MTRF1: variants seen among roughly 807,000 people sequenced by gnomAD.
MTRF1 encodes peptide chain release factor 1, mitochondrial.
In MTRF1, 51 loss-of-function variants were observed where a neutral mutation model predicts 62.9. The observed-to-expected ratio is 0.81, with a 90% CI of 0.65 to 1.02. The LOEUF (loss-of-function observed/expected upper bound fraction) is 1.02, where lower values mean the gene tolerates loss of function less well. Among genes scored for constraint, MTRF1 ranks in the 50% least tolerant of loss-of-function variants. The pLI is 0.00. For missense variants in MTRF1, 446 were observed against 530.0 expected, an observed-to-expected ratio of 0.84 and a Z score of 1.56; for synonymous variants, 158 against 181.9, an observed-to-expected ratio of 0.87 and a Z score of 1.06.
At chr13:41,252,468 C>T (rs2039193120) in intron 5 of MTRF1, 177 bp downstream of exon 5, 1 of 443,960 alleles carries the variant, frequency 2.3e-6, no homozygotes, top group African/African-American at 2.0e-5. Flanking sequence ...ACTGTCTTCT[C>T]CTAGCTAACA....
At chr13:41,274,673 TATA>T in the MTRF1 span, among the ~76,000 whole-genome samples, 822 of 149,162 alleles carry the variant, frequency 5.5e-3, 5 homozygotes, top group African/African-American at 0.017. Context: ...ATAATAAATA[TATA>T]ATAATAATAA....
intron 8 of MTRF1, among the ~76,000 whole-genome samples, chr13:41,223,825 C>A (rs2033876215): frequency 6.6e-6 from 1 of 152,144 alleles, no homozygotes; most frequent in Admixed American, 6.5e-5. Context: ...TTTCATGGGT[C>A]TCTTATTATA....
At chr13:41,247,641 C>T (rs1268009294) in intron 5 of MTRF1, among the ~76,000 whole-genome samples, 2 of 152,166 alleles carry the variant, frequency 1.3e-5, no homozygotes, top group East Asian at 1.9e-4. Context: ...CACAATCCCT[C>T]CAGAACTGCA....
chr13:41,257,594 G>T, intron 2 of MTRF1: 1 of 181,912 alleles, frequency 5.5e-6, no homozygotes, highest in Non-Finnish European at 1.2e-5. Context: ...TAAAATGAGG[G>T]AAAACACAGG....
At chr13:41,272,669 T>C in the MTRF1 span, among the ~76,000 whole-genome samples, 1 of 152,152 alleles carries the variant, frequency 6.6e-6, no homozygotes, top group Non-Finnish European at 1.5e-5. Flanking sequence ...GCAACTTACC[T>C]AGCGATGGGT....
At chr13:41,309,505 C>T in the MTRF1 span, among the ~76,000 whole-genome samples, 13 of 152,116 alleles carry the variant, frequency 8.5e-5, no homozygotes, top group East Asian at 1.5e-3. Flanking sequence ...TGTGTCTTTA[C>T]GGTAGAACAA....
At position 41,260,808 on chromosome 13, in the gene MTRF1, G is replaced by A. The variant is rs1280970678; in HGVS notation, c.100C>T (p.His34Tyr). ...AAAACTTGCAGCCTTGTATCAAGATGTATCTGTCTAAATTGATGAGAATGG... is the reference window on the plus strand; with the variant it reads ...AAAACTTGCAGCCTTGTATCAAGATATATCTGTCTAAATTGATGAGAATGG... ...QLHSHQFRQI[H>Y]LDTRLQVFRQ... The change falls in exon 2 of 10, where the codon CAT becomes TAT. Residue 34 changes from histidine (H) to tyrosine (Y), a missense_variant. Coordinates refer to ENST00000379480, the MANE Select transcript of MTRF1 (RefSeq NM_004294.4). 2.5e-6 allele frequency: 4 copies of A among 1,614,118 alleles called. No homozygotes were observed. The highest frequency in any genetic ancestry group is 1.3e-5 in the African/African-American group (1 of 75,054).
At chr13:41,248,383 A>G (rs996351797) in intron 5 of MTRF1, among the ~76,000 whole-genome samples, 1 of 152,114 alleles carries the variant, frequency 6.6e-6, no homozygotes, top group African/African-American at 2.4e-5. Flanking sequence ...CAGTCTCCCA[A>G]AGTGCTGTGA....
the MTRF1 span, among the ~76,000 whole-genome samples, chr13:41,303,830 G>A: frequency 1.1e-4 from 17 of 152,118 alleles, no homozygotes; most frequent in Admixed American, 3.9e-4. Context: ...GATAAATATC[G>A]ATCCTTGCAA....
the MTRF1 span, among the ~76,000 whole-genome samples, chr13:41,309,664 A>G: frequency 6.6e-6 from 1 of 152,286 alleles, no homozygotes; most frequent in South Asian, 2.1e-4. Context: ...AAAGACTCCT[A>G]TGATTCTTTC....
chr13:41,238,122 C>T (rs961333521), intron 6 of MTRF1, among the ~76,000 whole-genome samples: 1 of 152,090 alleles, frequency 6.6e-6, no homozygotes, highest in African/African-American at 2.4e-5. Flanking sequence ...AGTAACGACA[C>T]TAATGATAAT....
intron 8 of MTRF1, among the ~76,000 whole-genome samples, chr13:41,225,438 C>A (rs1400511205): frequency 6.6e-6 from 1 of 152,102 alleles, no homozygotes; most frequent in Non-Finnish European, 1.5e-5. Flanking sequence ...AGTGTATACA[C>A]TGATGATGCA....
At chr13:41,234,953 C>T (rs1300215007) in intron 6 of MTRF1, among the ~76,000 whole-genome samples, 1 of 152,114 alleles carries the variant, frequency 6.6e-6, no homozygotes, top group Non-Finnish European at 1.5e-5. Flanking sequence ...CAGCATCAGG[C>T]AAGTCACCTG....
intron 8 of MTRF1, among the ~76,000 whole-genome samples, chr13:41,226,046 C>A (rs2034366091): frequency 6.6e-6 from 1 of 152,012 alleles, no homozygotes; most frequent in East Asian, 1.9e-4. Context: ...TTTTGCAGTG[C>A]CATTTGTATT....
chr13:41,311,157 C>A, the MTRF1 span: 230 of 355,902 alleles, frequency 6.5e-4, no homozygotes, highest in Non-Finnish European at 1.0e-3. Flanking sequence ...GGCAAATCCA[C>A]GCGGTTGGTC....
chr13:41,260,842 G>A lies in MTRF1; in HGVS notation c.66C>T (p.His22=), dbSNP rs777999639. ...TAAATTGATGAGAATGGAGCTGGAT[G>A]TGACACTGGAGGTAACCATTAAGAG... ...HPSLNGYLQC[H]IQLHSHQFRQ... Residue 22 remains histidine (H), a synonymous_variant, in exon 2 of 10, where the codon CAC becomes CAT. Coordinates refer to ENST00000379480, the MANE Select transcript of MTRF1 (RefSeq NM_004294.4). The A allele has an allele frequency of 2.5e-6, 4 of 1,614,066 alleles. No homozygotes were observed. The South Asian group carries it at 3.3e-5, about 13-fold the overall frequency.
At chr13:41,290,140 A>T in the MTRF1 span, among the ~76,000 whole-genome samples, 2 of 117,502 alleles carry the variant, frequency 1.7e-5, no homozygotes, top group East Asian at 2.7e-4. Context: ...TCTGTCTCCC[A>T]GGCTGGAGTG....
intron 5 of MTRF1, among the ~76,000 whole-genome samples, chr13:41,247,551 G>A (rs183885662): frequency 7.2e-5 from 11 of 152,272 alleles, no homozygotes; most frequent in African/African-American, 9.6e-5. Flanking sequence ...CTGTACAGGC[G>A]AAATAGGAGA....
chr13:41,233,866 T>C, intron 7 of MTRF1, 24 bp downstream of exon 7: 4 of 1,564,616 alleles, frequency 2.6e-6, no homozygotes, highest in Non-Finnish European at 3.5e-6. Context: ...GGGTTAAAAG[T>C]ACAAAGCCAA....
Sources: gnomAD v4.1 joint callset for allele counts (sites outside exome capture counted in the v4.1 genomes callset) on GRCh38, gnomAD v4.1.1 for gene constraint, MANE v1.5 for transcripts, NCBI Gene and HGNC (gene_info 2026-07-23, HGNC 2026-07-21) for gene names.